Variants in TENM1 observed in about 807,000 individuals in gnomAD.
TENM1 encodes the protein teneurin transmembrane protein 1, also known as teneurin-1.
A neutral mutation model predicts 174.8 loss-of-function variants in TENM1; 35 were observed. The observed-to-expected ratio is 0.20, with a 90% confidence interval of 0.15 to 0.27. The LOEUF (loss-of-function observed/expected upper bound fraction) is 0.27. TENM1 is among the 10% of genes least tolerant of loss of function. The pLI is 1.00. For missense variants in TENM1, 1,633 were observed against 2,130.1 expected, an observed-to-expected ratio of 0.77 and a Z score of 4.59; for synonymous variants, 781 against 798.7, an observed-to-expected ratio of 0.98 and a Z score of 0.37.
chrX:124,736,441 T>C (rs1170224314), intron 4 of TENM1, among the ~76,000 whole-genome samples: 3 of 111,163 alleles, frequency 2.7e-5, no homozygotes, highest in Non-Finnish European at 5.7e-5. Context: ...AGGCAGAATT[T>C]AGTTTTTAAA....
intron 21 of TENM1, among the ~76,000 whole-genome samples, chrX:124,484,925 G>A (rs1207487755): frequency 9.0e-6 from 1 of 111,312 alleles, no homozygotes; most frequent in Non-Finnish European, 1.9e-5. Context: ...TATTCTCAGT[G>A]CCAACAGAGG....
At chrX:124,919,681 G>A (rs1033562664) in intron 1 of TENM1, among the ~76,000 whole-genome samples, 7 of 110,891 alleles carry the variant, frequency 6.3e-5, no homozygotes, top group Admixed American at 2.9e-4. Context: ...TAAGCTACAT[G>A]GTGAATACAT....
chrX:124,870,696 C>T (rs1360936345), intron 3 of TENM1, among the ~76,000 whole-genome samples: 2 of 109,478 alleles, frequency 1.8e-5, no homozygotes, highest in African/African-American at 6.7e-5. Flanking sequence ...AGTAACAATG[C>T]TGCAGAGTTA....
chrX:124,893,617 C>T (rs1207890671), intron 3 of TENM1, among the ~76,000 whole-genome samples: 1 of 111,408 alleles, frequency 9.0e-6, no homozygotes, highest in African/African-American at 3.3e-5. Context: ...AGAGAAGGGC[C>T]CAGCACAGGC....
rs761479866 is a variant in TENM1 at position 124,582,855 on chromosome X, T to A, written c.2078-17295A>T. Among the ~76,000 whole-genome samples, 10 of 112,239 alleles carry A rather than the reference T, an allele frequency of 8.9e-5. No homozygotes were observed. The East Asian group carries it at 2.8e-3, about 32-fold the overall frequency. ...TAATACTGTGCTTTTCTGACAGGCT[T>A]AAAAAACGGCACACCAGGAGATTAT... On this transcript the variant is annotated intron_variant, in intron 11 of 31. Coordinates refer to ENST00000422452, the Ensembl canonical transcript of TENM1.
intron 3 of TENM1, among the ~76,000 whole-genome samples, chrX:124,839,450 G>C (rs2056454728): frequency 9.0e-6 from 1 of 111,586 alleles, no homozygotes; most frequent in African/African-American, 3.3e-5. Context: ...TATTGGTTGT[G>C]TGCACATAAA....
intron 11 of TENM1, among the ~76,000 whole-genome samples, chrX:124,582,835 C>T (rs1047378808): frequency 8.9e-6 from 1 of 112,292 alleles, no homozygotes; most frequent in African/African-American, 3.2e-5. Context: ...CACCCTAATA[C>T]TGTGCTTTTC....
chrX:124,386,850 G>A (rs1227208384), intron 28 of TENM1, among the ~76,000 whole-genome samples: 1 of 109,568 alleles, frequency 9.1e-6, no homozygotes, highest in East Asian at 2.9e-4. Flanking sequence ...GAGTAACTGG[G>A]ACTACCAATG....
chrX:124,594,890 T>C (rs2049852748), intron 11 of TENM1, among the ~76,000 whole-genome samples: 1 of 112,142 alleles, frequency 8.9e-6, no homozygotes, highest in Admixed American at 9.5e-5. Context: ...GCCTAGAATG[T>C]CAGGATAGTT....
At chrX:124,670,577 T>C (rs1217545293) in intron 6 of TENM1, among the ~76,000 whole-genome samples, 1 of 111,621 alleles carries the variant, frequency 9.0e-6, no homozygotes, top group African/African-American at 3.3e-5. Flanking sequence ...GCATCATGAA[T>C]TGAAAACTAG....
chrX:124,424,389 T>C (rs1203535069), intron 23 of TENM1, among the ~76,000 whole-genome samples: 5 of 112,246 alleles, frequency 4.5e-5, no homozygotes, highest in East Asian at 2.8e-4. Context: ...TTGTTTATTA[T>C]AGTCACTCTA....
intron 1 of TENM1, among the ~76,000 whole-genome samples, chrX:124,957,136 T>C (rs2058585375): frequency 8.9e-6 from 1 of 111,901 alleles, no homozygotes; most frequent in African/African-American, 3.3e-5. Context: ...ACCTGGTACA[T>C]AGTTTACATT....
intron 22 of TENM1, among the ~76,000 whole-genome samples, chrX:124,475,245 C>A (rs1325241266): frequency 9.0e-6 from 1 of 111,290 alleles, no homozygotes; most frequent in Non-Finnish European, 1.9e-5. Context: ...ATCCCTATAC[C>A]CTACAAATAA....
intron 11 of TENM1, among the ~76,000 whole-genome samples, chrX:124,574,048 A>C (rs2049112265): frequency 8.9e-6 from 1 of 112,489 alleles, no homozygotes; most frequent in African/African-American, 3.2e-5. Context: ...AAGAATGCTA[A>C]AATATAAACA....
chrX:125,159,227 C>T, the TENM1 span, among the ~76,000 whole-genome samples: 2 of 112,201 alleles, frequency 1.8e-5, no homozygotes, highest in African/African-American at 3.2e-5. Flanking sequence ...AGCCCCTTAA[C>T]GTATCCTCAT....
intron 3 of TENM1, among the ~76,000 whole-genome samples, chrX:124,881,671 T>C (rs2057305078): frequency 9.0e-6 from 1 of 110,885 alleles, no homozygotes; most frequent in Non-Finnish European, 1.9e-5. Flanking sequence ...AACTTCCTTC[T>C]TAACACTGCT....
chrX:124,825,540 C>G (rs1264233290), intron 3 of TENM1, among the ~76,000 whole-genome samples: 18 of 111,069 alleles, frequency 1.6e-4, no homozygotes. Context: ...AGATATGCTA[C>G]TTCTGCACAT....
intron 22 of TENM1, among the ~76,000 whole-genome samples, chrX:124,477,203 C>T (rs1461876447): frequency 2.0e-5 from 2 of 102,559 alleles, no homozygotes; most frequent in African/African-American, 4.5e-5. Context: ...TTTCTAATTA[C>T]AGAATCTTCC....
intron 3 of TENM1, among the ~76,000 whole-genome samples, chrX:124,754,881 A>G (rs1569427727): frequency 9.4e-6 from 1 of 105,904 alleles, no homozygotes; most frequent in Non-Finnish European, 1.9e-5. Flanking sequence ...GTTCTTTTAC[A>G]TTTGCTGAGG....
Sources: allele counts gnomAD v4.1 joint callset (sites outside exome capture counted in the v4.1 genomes callset), GRCh38; gene constraint gnomAD v4.1.1; transcripts MANE v1.5; gene names NCBI Gene and HGNC (gene_info 2026-07-23, HGNC 2026-07-21).